LEPR: variants seen among roughly 807,000 people sequenced by gnomAD.
The protein encoded by LEPR is OB receptor.
A neutral mutation model predicts 114.7 loss-of-function variants in LEPR; 56 were observed. The observed-to-expected ratio is 0.49, with a 90% CI of 0.39 to 0.61. The LOEUF (loss-of-function observed/expected upper bound fraction) is 0.61, where lower values mean the gene tolerates loss of function less well. Among genes scored for constraint, LEPR ranks in the 20% least tolerant of loss-of-function variants. The pLI, the probability that LEPR is intolerant of heterozygous loss-of-function variation, is 0.00. For synonymous variants in LEPR, 443 were observed against 461.4 expected (o/e 0.96, Z 0.51); for missense variants, 1,202 against 1,352.9 (o/e 0.89, Z 1.75).
At chr1:65,483,563 C>T (rs929755993) in intron 2 of LEPR, among the ~76,000 whole-genome samples, 1 of 152,094 alleles carries the variant, frequency 6.6e-6, no homozygotes, top group Non-Finnish European at 1.5e-5. Context: ...TCAAGGCCAC[C>T]GCTATAAAAT....
chr1:65,506,129 A>G (rs939792273), intron 2 of LEPR, among the ~76,000 whole-genome samples: 2 of 152,304 alleles, frequency 1.3e-5, no homozygotes, highest in East Asian at 3.9e-4. Context: ...TGAGAATTCA[A>G]CTTTGAAACA....
chr1:65,577,429 A>G (rs3790425), intron 5 of LEPR: 44,326 of 152,578 alleles, frequency 0.29, 7,780 homozygotes, highest in East Asian at 0.83. Flanking sequence ...AATGTGCAGC[A>G]TCTGGAGACA....
At chr1:65,587,942 T>G (rs1000867956) in intron 5 of LEPR, among the ~76,000 whole-genome samples, 3 of 152,056 alleles carry the variant, frequency 2.0e-5, no homozygotes, top group African/African-American at 7.2e-5. Context: ...ATTACATTTG[T>G]TAATTACAGT....
intron 2 of LEPR, among the ~76,000 whole-genome samples, chr1:65,503,230 G>C (rs1648548464): frequency 6.6e-6 from 1 of 152,122 alleles, no homozygotes; most frequent in Non-Finnish European, 1.5e-5. Context: ...TACCATAATG[G>C]TGGGTACTCA....
At chr1:65,548,918 A>G (rs1025554017) in intron 2 of LEPR, among the ~76,000 whole-genome samples, 2 of 152,132 alleles carry the variant, frequency 1.3e-5, no homozygotes, top group African/African-American at 2.4e-5. Context: ...GGTCTTTACA[A>G]TTTGGCATGA....
In LEPR at chr1:65,475,370, T is replaced by C. The variant is rs554984914; in HGVS notation, c.-21+49992T>C. On this transcript the variant is annotated intron_variant, in intron 2 of 19. Transcript: ENST00000349533. The stretch of plus-strand genomic sequence containing the variant: ...TCATGTAAGGAGCTTTCCCATCTCC[T>C]GAACAAGGCTGAGCTTATGGTCCAA... Among the ~76,000 whole-genome samples the C allele has an allele frequency of 3.9e-5, 6 of 152,320 alleles. No individual in the cohort carries two copies. The South Asian group carries it at 1.2e-3, about 32-fold the overall frequency.
At chr1:65,488,729 A>G (rs1422528950) in intron 2 of LEPR, among the ~76,000 whole-genome samples, 1 of 151,506 alleles carries the variant, frequency 6.6e-6, no homozygotes. Flanking sequence ...TTATTTTTGC[A>G]CCTATTACTC....
At chr1:65,420,652 C>T, upstream of LEPR, 1 of 1,535,902 alleles carries the variant, frequency 6.5e-7, no homozygotes, top group Non-Finnish European at 8.8e-7. Flanking sequence ...GGGGCGACTC[C>T]CGGTCTGGCT....
intron 19 of LEPR, among the ~76,000 whole-genome samples, chr1:65,630,644 G>C (rs963475257): frequency 6.6e-6 from 1 of 151,504 alleles, no homozygotes; most frequent in Non-Finnish European, 1.5e-5. Context: ...GACCCTCTGC[G>C]TAGATCTTCC....
At chr1:65,592,589 C>T in intron 5 of LEPR, 68 bp from the exon 6 acceptor site, 2 of 1,550,474 alleles carry the variant, frequency 1.3e-6, no homozygotes, top group South Asian at 1.1e-5. Context: ...TATTTAGTAT[C>T]CTGCTTTAAA....
At chr1:65,456,530 C>G (rs1646878686) in intron 2 of LEPR, among the ~76,000 whole-genome samples, 1 of 152,090 alleles carries the variant, frequency 6.6e-6, no homozygotes, top group African/African-American at 2.4e-5. Context: ...TGTATATCTT[C>G]TTAGAGAACA....
At chr1:65,595,948 T>C (rs1656035099) in intron 6 of LEPR, among the ~76,000 whole-genome samples, 1 of 152,084 alleles carries the variant, frequency 6.6e-6, no homozygotes, top group African/African-American at 2.4e-5. Context: ...ATGGGAATAT[T>C]TATGCTGTCA....
rs1650116115 is a variant in LEPR at position 65,528,276 on chromosome 1, TTA to T, written c.-20-37267_-20-37266del. Among the ~76,000 whole-genome samples the T allele has an allele frequency of 2.6e-5, 4 of 152,162 alleles. No homozygotes were observed. The South Asian group carries it at 6.2e-4, about 24-fold the overall frequency. On this transcript the variant is annotated intron_variant, in intron 2 of 19. Coordinates refer to ENST00000349533, the MANE Select transcript of LEPR (RefSeq NM_002303.6). ...TGGAGTTAAAAATGAAGAAAAAGGC[TTA>T]TAGTCTGCTCTAATTCTTAAGACTT...
At position 65,539,116 on chromosome 1, in the gene LEPR, C is replaced by T. The variant is rs1650993023; in HGVS notation, c.-20-26430C>T. Among the ~76,000 whole-genome samples, 8 of 79,380 alleles carry T rather than the reference C, an allele frequency of 1.0e-4. No homozygotes were observed. In the South Asian group the frequency reaches 4.0e-3, roughly 40 times the overall value. The allele number at this position is 79,380 out of a possible 152,430, so 52.1% of individuals were successfully genotyped here. ...TGTTAATTATGCATTTTTTTTAAAACCATTGAAATTTTTTTTTTGTACTAT... is the reference window on the plus strand; with the variant it reads ...TGTTAATTATGCATTTTTTTTAAAATCATTGAAATTTTTTTTTTGTACTAT... On this transcript the variant is annotated intron_variant, in intron 2 of 19. Coordinates refer to ENST00000349533, the MANE Select transcript of LEPR (RefSeq NM_002303.6).
chr1:65,596,038 C>G (rs1028938049), intron 6 of LEPR, among the ~76,000 whole-genome samples: 2 of 151,988 alleles, frequency 1.3e-5, no homozygotes, highest in Non-Finnish European at 2.9e-5. Flanking sequence ...TTGTGTATTT[C>G]CAAATAGTGT....
chr1:65,592,248 ATTTTTTTT>A (rs58700529), intron 5 of LEPR, among the ~76,000 whole-genome samples: 1 of 117,776 alleles, frequency 8.5e-6, no homozygotes, highest in Non-Finnish European at 1.8e-5. Context: ...ATCTGCTGTC[ATTTTTTTT>A]TTTTTTTTTT....
intron 2 of LEPR, among the ~76,000 whole-genome samples, chr1:65,429,065 T>C (rs1646434130): frequency 6.6e-6 from 1 of 152,198 alleles, no homozygotes; most frequent in Non-Finnish European, 1.5e-5. Context: ...ATAAATGGCG[T>C]TTGATCAAGA....
chr1:65,436,063 C>T (rs553620866), intron 2 of LEPR: 37 of 984,478 alleles, frequency 3.8e-5, no homozygotes, highest in African/African-American at 8.7e-5. Flanking sequence ...CTTTGCGGTA[C>T]GTTACATTTG....
intron 14 of LEPR, among the ~76,000 whole-genome samples, chr1:65,612,119 G>A (rs1036975904): frequency 4.6e-5 from 7 of 152,124 alleles, no homozygotes; most frequent in Non-Finnish European, 7.3e-5. Flanking sequence ...CTCTTAAACC[G>A]GGATAAGATT....
Sources: gnomAD v4.1 joint callset for allele counts (sites outside exome capture counted in the v4.1 genomes callset) on GRCh38, gnomAD v4.1.1 for gene constraint, MANE v1.5 for transcripts, NCBI Gene and HGNC (gene_info 2026-07-23, HGNC 2026-07-21) for gene names.